Variants in AK9 observed in about 807,000 individuals in gnomAD.
The protein encoded by AK9 is adenylate kinase 9.
A neutral mutation model predicts 239.6 loss-of-function variants in AK9; 191 were observed. The observed-to-expected ratio is 0.80, with a 90% CI of 0.71 to 0.90. The LOEUF is 0.90. AK9 is among the 40% of genes least tolerant of loss of function. The probability of loss-of-function intolerance (pLI) is 0.00; values close to 1 mark genes in which losing one functional copy is unlikely to be tolerated. For synonymous variants in AK9, 689 were observed against 721.0 expected, an observed-to-expected ratio of 0.96 and a Z score of 0.71; for missense variants, 1,995 against 2,214.7, an observed-to-expected ratio of 0.90 and a Z score of 1.99.
intron 24 of AK9, among the ~76,000 whole-genome samples, chr6:109,556,496 T>C (rs1785026071): frequency 6.6e-6 from 1 of 152,124 alleles, no homozygotes; most frequent in Non-Finnish European, 1.5e-5. Context: ...TTGGGGTTGA[T>C]CTCATGGAGT....
chr6:109,602,224 T>C (rs1562478839), intron 17 of AK9, among the ~76,000 whole-genome samples: 1 of 152,212 alleles, frequency 6.6e-6, no homozygotes, highest in Non-Finnish European at 1.5e-5. Context: ...GTTGTTCCTT[T>C]CCATGTTTAG....
chr6:109,505,037 G>A (rs78178338), intron 35 of AK9, among the ~76,000 whole-genome samples: 7,054 of 152,228 alleles, frequency 0.046, 192 homozygotes, highest in South Asian at 0.088. Flanking sequence ...CCCATCCAGA[G>A]CTTATTGAGA....
intron 26 of AK9, among the ~76,000 whole-genome samples, chr6:109,542,767 A>G (rs1783059620): frequency 6.6e-6 from 1 of 152,250 alleles, no homozygotes; most frequent in African/African-American, 2.4e-5. Flanking sequence ...GGTTAGAAAT[A>G]CAGGTTGTAC....
rs1162104600 is a variant in AK9 at position 109,614,170 on chromosome 6, T to C, written c.1609+13A>G. On this transcript the variant is annotated intron_variant, in intron 15 of 40. Transcript: ENST00000424296. ...AGATCCACAAACGTGGGATTAGCAG[T>C]TCACTTTGTTACCATCTTTATCAAC... 6.5e-7 allele frequency: 1 copy of C among 1,539,766 alleles called. No individual in the cohort carries two copies. Among genetic ancestry groups the C allele is most frequent in the East Asian group, 2.4e-5 (1 of 40,832 alleles).
At chr6:109,583,476 G>C (rs1395531429) in intron 19 of AK9, among the ~76,000 whole-genome samples, 2 of 151,862 alleles carry the variant, frequency 1.3e-5, no homozygotes, top group African/African-American at 2.4e-5. Flanking sequence ...CAACCTATAA[G>C]GCCTTTAAGT....
intron 35 of AK9, among the ~76,000 whole-genome samples, chr6:109,505,870 T>A (rs1467260801): frequency 1.3e-5 from 2 of 152,208 alleles, no homozygotes; most frequent in Non-Finnish European, 2.9e-5. Flanking sequence ...CGGAGATTTA[T>A]TGCTCACAGT....
chr6:109,512,526 C>A (rs368081115), intron 32 of AK9, among the ~76,000 whole-genome samples: 9 of 152,284 alleles, frequency 5.9e-5, no homozygotes, highest in East Asian at 5.8e-4. Flanking sequence ...TTTCCTGTAA[C>A]AATTATAGAC....
chr6:109,497,771 T>C (rs745532645), intron 37 of AK9, 25 bp downstream of exon 37: 9 of 1,604,232 alleles, frequency 5.6e-6, no homozygotes, highest in Non-Finnish European at 7.7e-6. Context: ...TATCATTCTA[T>C]ACTTCCATGA....
chr6:109,579,165 C>T lies in AK9; in HGVS notation c.2191+385G>A, dbSNP rs536840082. 7.9e-5 allele frequency among the ~76,000 whole-genome samples: 12 copies of T among 152,274 alleles called. No homozygotes were observed. The South Asian group carries it at 2.5e-3, about 32-fold the overall frequency. On this transcript the variant is annotated intron_variant, in intron 20 of 40. Transcript: ENST00000424296. ...GAGTAAGTGGGTAATAAGAGATTTG[C>T]TGTCTTCTCAACTCCTGTAGGATGG...
chr6:109,684,873 CAAAAAAAAAAAAAAAAAAAAAAAA>C (rs60500211), intron 1 of AK9, among the ~76,000 whole-genome samples: 5 of 21,870 alleles, frequency 2.3e-4, no homozygotes, highest in East Asian at 3.1e-3. Context: ...GACTCCGTCT[CAAAAAAAAAAAAAAAAAAAAAAAA>C]AAAAAAAAAA....
At chr6:109,568,714 A>C (rs909390127) in intron 21 of AK9, among the ~76,000 whole-genome samples, 1 of 152,084 alleles carries the variant, frequency 6.6e-6, no homozygotes, top group Non-Finnish European at 1.5e-5. Flanking sequence ...TAGGAATCCA[A>C]CTTACAAGGG....
chr6:109,632,026 G>T, intron 12 of AK9: 1 of 347,106 alleles, frequency 2.9e-6, no homozygotes, highest in Non-Finnish European at 4.1e-6. Context: ...TGTGTGGAGA[G>T]TGAGGAGACT....
chr6:109,552,196 G>A (rs560596918), intron 24 of AK9, among the ~76,000 whole-genome samples: 1 of 152,208 alleles, frequency 6.6e-6, no homozygotes, highest in East Asian at 1.9e-4. Flanking sequence ...GTGTGCTTGT[G>A]TCTATAATAA....
At position 109,497,511 on chromosome 6, in the gene AK9, G is replaced by A. The variant is rs775310575; in HGVS notation, c.5269C>T (p.Arg1757Cys). The part of the protein sequence containing the change: ...SINYALEYHN[R>C]IYICENKEKL... Reference sequence around the variant, plus strand: ...TCTTTGTTCTCACAAATATATATACGATTATGATATTCTAAAGCATAGTTA... The same window carrying A: ...TCTTTGTTCTCACAAATATATATACAATTATGATATTCTAAAGCATAGTTA... Residue 1757 changes from arginine to cysteine, a missense_variant, in exon 38 of 41, where the codon CGT (arginine) becomes TGT (cysteine). Around this residue, in one of 5 missense-constraint regions of AK9, gnomAD observed 391 missense variants for 456.0 expected, o/e 0.86. Coordinates refer to ENST00000424296, the MANE Select transcript of AK9 (RefSeq NM_001145128.3). 9.9e-6 allele frequency: 16 copies of A among 1,609,300 alleles called. No individual in the cohort carries two copies. Among genetic ancestry groups the A allele is most frequent in the South Asian group, 4.4e-5 (4 of 90,848 alleles).
At chr6:109,669,072 T>G (rs1379103954) in intron 5 of AK9, among the ~76,000 whole-genome samples, 1 of 150,382 alleles carries the variant, frequency 6.6e-6, no homozygotes, top group African/African-American at 2.4e-5. Context: ...TTTATTTCAT[T>G]GAGCAGTGGT....
At chr6:109,536,697 T>C (rs930244914) in intron 27 of AK9, among the ~76,000 whole-genome samples, 2 of 152,180 alleles carry the variant, frequency 1.3e-5, no homozygotes, top group Non-Finnish European at 2.9e-5. Flanking sequence ...TCAAAGGGAA[T>C]GCTTCCAGTT....
rs1777344176 is a variant in AK9, at chr6:109,499,038, A to G, written c.5046+6T>C. 2.0e-6 allele frequency: 3 copies of G among 1,501,670 alleles called. No individual in the cohort carries two copies. Among genetic ancestry groups the G allele is most frequent in the Non-Finnish European group, 2.7e-6 (3 of 1,119,406 alleles). 93.0% of individuals were successfully genotyped at this position (1,501,670 alleles called of 1,614,324 possible). On this transcript the variant is annotated splice_donor_region_variant and intron_variant, in intron 36 of 40. Transcript: ENST00000424296. ...AGTAAATATTTGGAGTTAGGAACAA[A>G]CTTACATTCAGTTTTTCCTGAGAAC... is the stretch of plus-strand genomic sequence containing the variant.
chr6:109,627,415 GTTT>G (rs1795672341), intron 12 of AK9, among the ~76,000 whole-genome samples: 1 of 152,022 alleles, frequency 6.6e-6, no homozygotes, highest in Non-Finnish European at 1.5e-5. Context: ...TAACATCATT[GTTT>G]TTTATTGTCA....
chr6:109,621,150 A>G (rs1284599176), intron 12 of AK9, among the ~76,000 whole-genome samples: 2 of 135,672 alleles, frequency 1.5e-5, no homozygotes, highest in Non-Finnish European at 1.6e-5. Context: ...AATGCTCATC[A>G]TCACTGGCCA....
Sources: gnomAD v4.1 joint callset for allele counts (sites outside exome capture counted in the v4.1 genomes callset) on GRCh38, gnomAD v4.1.1 for gene constraint, gnomAD v4.1.1 regional missense constraint, MANE v1.5 for transcripts, NCBI Gene and HGNC (gene_info 2026-07-23, HGNC 2026-07-21) for gene names.